CACNA1E: variants seen among roughly 807,000 people sequenced by gnomAD.
CACNA1E encodes calcium voltage-gated channel subunit alpha1 E, also known as voltage-dependent R-type calcium channel subunit alpha-1E.
In CACNA1E, 40 loss-of-function variants were observed where a neutral mutation model predicts 259.2. The observed-to-expected ratio is 0.15, with a 90% CI of 0.12 to 0.20. The LOEUF is 0.20. Among genes scored for constraint, CACNA1E ranks in the 10% least tolerant of loss-of-function variants. CACNA1E has a pLI of 1.00. For synonymous variants in CACNA1E, 1,104 were observed against 1,138.5 expected, an observed-to-expected ratio of 0.97 and a Z score of 0.61; for missense variants, 1,874 against 3,040.1, an observed-to-expected ratio of 0.62 and a Z score of 9.02.
intron 1 of CACNA1E, among the ~76,000 whole-genome samples, chr1:181,391,939 C>G (rs143860811): frequency 3.2e-4 from 36 of 111,002 alleles, no homozygotes; most frequent in African/African-American, 1.1e-3. Flanking sequence ...CTCTCTCTCT[C>G]TCTCTCTGTG....
chr1:181,646,853 C>T (rs1399025789), intron 6 of CACNA1E, among the ~76,000 whole-genome samples: 2 of 152,234 alleles, frequency 1.3e-5, no homozygotes, highest in African/African-American at 4.8e-5. Context: ...AGCTCACCAC[C>T]CCCATCAGTC....
In CACNA1E at chr1:181,483,677, C is replaced by T. The variant is rs1663506711; in HGVS notation, c.-68C>T. Reference sequence around the variant, plus strand: ...CTCTGAGTCTCCGTGTGTCTTTCTGCTTGTTGCTGTGTGCGGGTGTTCGGC... The same window carrying T: ...CTCTGAGTCTCCGTGTGTCTTTCTGTTTGTTGCTGTGTGCGGGTGTTCGGC... On this transcript the variant is annotated 5_prime_UTR_variant, in exon 1 of 48. Transcript: ENST00000367573. 2 of 1,146,852 alleles carry T rather than the reference C, an allele frequency of 1.7e-6. No individual in the cohort carries two copies. Among genetic ancestry groups the T allele is most frequent in the Non-Finnish European group, 2.4e-6 (2 of 824,728 alleles). The allele number at this position is 1,146,852 out of a possible 1,614,324, so 71.0% of individuals were successfully genotyped here.
At chr1:181,568,297 C>T (rs1389658526) in intron 3 of CACNA1E, among the ~76,000 whole-genome samples, 4 of 152,242 alleles carry the variant, frequency 2.6e-5, no homozygotes, top group East Asian at 1.9e-4. Context: ...CCAGCACAGC[C>T]GCCCCAGGAA....
chr1:181,717,912 C>G, intron 11 of CACNA1E, 143 bp from the exon 12 acceptor site: 1 of 585,562 alleles, frequency 1.7e-6, no homozygotes, highest in Non-Finnish European at 3.1e-6. Context: ...CATCATTAGG[C>G]TCTGTCCAGC....
At chr1:181,675,939 GTTT>G (rs1331123973) in intron 7 of CACNA1E, among the ~76,000 whole-genome samples, 3 of 152,160 alleles carry the variant, frequency 2.0e-5, no homozygotes, top group African/African-American at 7.2e-5. Context: ...TTCCTGCTCC[GTTT>G]CTCCTCCCTT....
chr1:181,531,340 C>G (rs1667766590), intron 3 of CACNA1E, among the ~76,000 whole-genome samples: 1 of 152,186 alleles, frequency 6.6e-6, no homozygotes, highest in African/African-American at 2.4e-5. Flanking sequence ...TAGCACTTAT[C>G]TGCATTTTCC....
intron 6 of CACNA1E, among the ~76,000 whole-genome samples, chr1:181,598,781 G>A (rs1047903005): frequency 2.0e-5 from 3 of 151,916 alleles, no homozygotes; most frequent in African/African-American, 4.8e-5. Context: ...TTTTACTGTG[G>A]CCCACATAGC....
chr1:181,353,564 G>A (rs1446441174), intron 1 of CACNA1E, among the ~76,000 whole-genome samples: 1 of 152,222 alleles, frequency 6.6e-6, no homozygotes, highest in Non-Finnish European at 1.5e-5. Flanking sequence ...ACCATTAGTA[G>A]TCTGGCATGA....
chr1:181,330,408 A>G (rs905173694), intron 1 of CACNA1E, among the ~76,000 whole-genome samples: 2 of 152,072 alleles, frequency 1.3e-5, no homozygotes, highest in Admixed American at 1.3e-4. Flanking sequence ...ATGTCAAAAC[A>G]GGGGTCTTGG....
intron 4 of CACNA1E, among the ~76,000 whole-genome samples, chr1:181,578,175 T>C (rs1483528337): frequency 2.0e-5 from 3 of 152,228 alleles, no homozygotes; most frequent in Non-Finnish European, 2.9e-5. Flanking sequence ...TTTTTCATTT[T>C]TCCCCTGTGC....
rs1464879107 is a variant in CACNA1E at position 181,483,777 on chromosome 1, G to A, written c.33G>A (p.Arg11=). The A allele has an allele frequency of 5.0e-6, 8 of 1,610,270 alleles. No homozygotes were observed. The highest frequency in any genetic ancestry group is 6.8e-6 in the Non-Finnish European group (8 of 1,178,286). ...GCTTCGGGGAGGCGGTGGTCGCCAG[G>A]CCAGGGTCCGGCGATGGAGACTCGG... The part of the protein sequence containing the change: MARFGEAVVA[R]PGSGDGDSDQ... The change falls in exon 1 of 48, where the codon AGG becomes AGA. Residue 11 remains arginine (R), a synonymous_variant. Coordinates refer to ENST00000367573, the MANE Select transcript of CACNA1E (RefSeq NM_001205293.3).
intron 2 of CACNA1E, among the ~76,000 whole-genome samples, chr1:181,461,020 G>C (rs948419525): frequency 3.3e-5 from 5 of 152,176 alleles, no homozygotes; most frequent in Non-Finnish European, 7.3e-5. Flanking sequence ...CTGAAGTACG[G>C]TGGGGATTGA....
At chr1:181,331,637 A>G (rs1651272415) in intron 1 of CACNA1E, among the ~76,000 whole-genome samples, 1 of 152,224 alleles carries the variant, frequency 6.6e-6, no homozygotes, top group Non-Finnish European at 1.5e-5. Flanking sequence ...ACACACCCCA[A>G]AATAATGCTT....
intron 40 of CACNA1E, among the ~76,000 whole-genome samples, chr1:181,784,211 T>G (rs1660669504): frequency 6.6e-6 from 1 of 152,220 alleles, no homozygotes; most frequent in African/African-American, 2.4e-5. Context: ...ACAGGCTTAC[T>G]ACTACTTCCA....
intron 7 of CACNA1E, among the ~76,000 whole-genome samples, chr1:181,703,844 C>T (rs745830035): frequency 2.6e-4 from 39 of 148,746 alleles, no homozygotes; most frequent in Non-Finnish European, 3.8e-4. Context: ...AGGTTCCCCT[C>T]GCCTGATATC....
chr1:181,652,719 C>T (rs1374981608), intron 7 of CACNA1E, among the ~76,000 whole-genome samples: 1 of 152,114 alleles, frequency 6.6e-6, no homozygotes, highest in Non-Finnish European at 1.5e-5. Context: ...AATCCCTGCC[C>T]CACCCCACTA....
At chr1:181,537,337 G>A (rs544491976) in intron 3 of CACNA1E, among the ~76,000 whole-genome samples, 59 of 152,032 alleles carry the variant, frequency 3.9e-4, no homozygotes, top group Non-Finnish European at 7.1e-4. Flanking sequence ...AACCTCAGGC[G>A]ATCCACCCAC....
chr1:181,725,851 C>T (rs1279140093), intron 17 of CACNA1E, among the ~76,000 whole-genome samples: 7 of 152,172 alleles, frequency 4.6e-5, no homozygotes, highest in South Asian at 2.1e-4. Flanking sequence ...TTGCTGGCCA[C>T]GCTATAGCTG....
chr1:181,723,199 G>A (rs1412811572), intron 16 of CACNA1E, among the ~76,000 whole-genome samples: 1 of 152,100 alleles, frequency 6.6e-6, no homozygotes, highest in Non-Finnish European at 1.5e-5. Flanking sequence ...CAGTAACAGG[G>A]GCTCTGGAAT....
Sources: gnomAD v4.1 joint callset for allele counts (sites outside exome capture counted in the v4.1 genomes callset) on GRCh38, gnomAD v4.1.1 for gene constraint, MANE v1.5 for transcripts, NCBI Gene and HGNC (gene_info 2026-07-23, HGNC 2026-07-21) for gene names.